The following OLFM3 variants were observed in gnomAD, a reference collection of about 807,000 sequenced individuals.
OLFM3 encodes the protein noelin-3.
OLFM3 carries 20 observed loss-of-function variants against 48.6 expected under a neutral mutation model. The ratio of observed to expected loss-of-function variants is 0.41; its 90% CI spans 0.29 to 0.60. The LOEUF (loss-of-function observed/expected upper bound fraction) is 0.60. Among genes scored for constraint, OLFM3 ranks in the 20% least tolerant of loss-of-function variants. The pLI, the probability that OLFM3 is intolerant of heterozygous loss-of-function variation, is 0.28. For synonymous variants in OLFM3, 222 were observed against 198.1 expected (o/e 1.12, Z -1.01); for missense variants, 437 against 544.3 (o/e 0.80, Z 1.96).
intron 1 of OLFM3, among the ~76,000 whole-genome samples, chr1:101,867,125 T>C (rs2100971131): frequency 6.6e-6 from 1 of 152,318 alleles, no homozygotes; most frequent in East Asian, 1.9e-4. Flanking sequence ...GTGGTCAATT[T>C]GCATTGCTAT....
intron 1 of OLFM3, among the ~76,000 whole-genome samples, chr1:101,950,433 TG>T (rs1660104437): frequency 7.1e-6 from 1 of 141,000 alleles, no homozygotes; most frequent in Admixed American, 7.5e-5. Flanking sequence ...TAGATTTATC[TG>T]CTTTCTTTCT....
intron 1 of OLFM3, among the ~76,000 whole-genome samples, chr1:101,869,812 T>A (rs1377670713): frequency 2.0e-5 from 3 of 152,164 alleles, no homozygotes; most frequent in Non-Finnish European, 2.9e-5. Context: ...TGTAACCATC[T>A]GGTGTTTTCT....
chr1:101,886,407 C>A (rs1014034017), intron 1 of OLFM3, among the ~76,000 whole-genome samples: 1 of 151,840 alleles, frequency 6.6e-6, no homozygotes, highest in Non-Finnish European at 1.5e-5. Context: ...GGGAGGAGGC[C>A]GGCTGGTAGG....
At chr1:101,861,769 G>A (rs987163225) in intron 1 of OLFM3, among the ~76,000 whole-genome samples, 5 of 152,178 alleles carry the variant, frequency 3.3e-5, no homozygotes, top group African/African-American at 1.2e-4. Flanking sequence ...GTGTGATCCT[G>A]TGTAAATTAA....
chr1:101,966,680 G>C (rs552112142), intron 1 of OLFM3, among the ~76,000 whole-genome samples: 3 of 152,262 alleles, frequency 2.0e-5, no homozygotes, highest in Admixed American at 6.5e-5. Flanking sequence ...AGCTAGGGAA[G>C]AGAAAGTAAG....
At chr1:101,831,101 G>A (rs755320173) in intron 2 of OLFM3, among the ~76,000 whole-genome samples, 1 of 152,138 alleles carries the variant, frequency 6.6e-6, no homozygotes, top group Non-Finnish European at 1.5e-5. Flanking sequence ...AGAAAAATAA[G>A]CTTTAAAAAT....
At chr1:101,834,678 G>A (rs1468448870) in intron 2 of OLFM3, among the ~76,000 whole-genome samples, 1 of 152,174 alleles carries the variant, frequency 6.6e-6, no homozygotes. Context: ...CATATGGTAA[G>A]TTTAATACAT....
At chr1:101,953,313 T>C (rs1660199563) in intron 1 of OLFM3, among the ~76,000 whole-genome samples, 2 of 152,280 alleles carry the variant, frequency 1.3e-5, no homozygotes, top group South Asian at 4.1e-4. Flanking sequence ...CACCTGTTTT[T>C]GTAAATAAAA....
At position 101,825,367 on chromosome 1, in the gene OLFM3, G is replaced by T. The variant is rs183353654; in HGVS notation, c.373-122C>A. The T allele has an allele frequency of 6.2e-6, 5 of 812,196 alleles. No homozygotes were observed. In the African/African-American group the frequency reaches 6.9e-5, roughly 11 times the overall value. The allele number at this position is 812,196 out of a possible 1,614,324, so 50.3% of individuals were successfully genotyped here. The stretch of plus-strand genomic sequence containing the variant: ...GCTTCAACATTTCTTATTGATTTTT[G>T]GTTGAAATTAGGTATTTTGTGAAAA... On this transcript the variant is annotated intron_variant, in intron 3 of 5. Coordinates refer to ENST00000370103, the MANE Select transcript of OLFM3 (RefSeq NM_058170.4).
At chr1:101,995,327 G>T (rs1661528020) in intron 1 of OLFM3, among the ~76,000 whole-genome samples, 1 of 151,976 alleles carries the variant, frequency 6.6e-6, no homozygotes, top group Non-Finnish European at 1.5e-5. Context: ...TGTCACTACA[G>T]GGTGCAGAGT....
At chr1:101,946,081 A>C (rs1659955314) in intron 1 of OLFM3, among the ~76,000 whole-genome samples, 1 of 152,198 alleles carries the variant, frequency 6.6e-6, no homozygotes. Flanking sequence ...TAGCACTAGC[A>C]TCAAACCTCC....
At chr1:101,831,088 A>G (rs978141958) in intron 2 of OLFM3, among the ~76,000 whole-genome samples, 6 of 152,240 alleles carry the variant, frequency 3.9e-5, no homozygotes, top group Admixed American at 3.3e-4. Context: ...GGCTTAATAC[A>G]TTAGAAAAAT....
chr1:101,982,197 A>G (rs890550926), intron 1 of OLFM3, among the ~76,000 whole-genome samples: 1 of 152,180 alleles, frequency 6.6e-6, no homozygotes, highest in African/African-American at 2.4e-5. Flanking sequence ...ATGTGTGGCG[A>G]TGGTGATGCA....
In OLFM3 at chr1:101,804,291, C is replaced by G. The variant is rs1653651564; in HGVS notation, c.1324G>C (p.Val442Leu). Residue 442 changes from valine to leucine, a missense_variant, in exon 6 of 6, where the codon GTG becomes CTG. By Grantham distance (32) the Val-to-Leu change is conservative. Coordinates refer to ENST00000370103, the MANE Select transcript of OLFM3 (RefSeq NM_058170.4). This position sits in a 1 kb window ranked among gnomAD's most constrained non-coding sequence, Gnocchi z 4.5. Reference protein sequence around the residue: ...ALYAWNNGHQVLFNVTLFHII... With the variant: ...ALYAWNNGHQLLFNVTLFHII... ...TGGAAAAGGGTGACATTGAACAGCACCTGGTGGCCATTGTTCCAGGCATAG... is the reference window on the plus strand; with the variant it reads ...TGGAAAAGGGTGACATTGAACAGCAGCTGGTGGCCATTGTTCCAGGCATAG... 1.2e-6 allele frequency: 2 copies of G among 1,610,604 alleles called. No homozygotes were observed. The highest frequency in any genetic ancestry group is 1.7e-6 in the Non-Finnish European group (2 of 1,178,032).
At chr1:101,811,018 G>C (rs1456594469) in intron 4 of OLFM3, among the ~76,000 whole-genome samples, 1 of 151,648 alleles carries the variant, frequency 6.6e-6, no homozygotes, top group Non-Finnish European at 1.5e-5. Flanking sequence ...AGGAGAAAAT[G>C]TTAGTCTAAA....
intron 1 of OLFM3, among the ~76,000 whole-genome samples, chr1:101,843,367 C>G (rs72987938): frequency 0.022 from 3,272 of 152,184 alleles, 50 homozygotes; most frequent in African/African-American, 0.033. Flanking sequence ...AAGCCCACAG[C>G]GTGAGGGATT....
At chr1:101,908,057 T>C (rs1658611614) in intron 1 of OLFM3, among the ~76,000 whole-genome samples, 1 of 152,232 alleles carries the variant, frequency 6.6e-6, no homozygotes, top group East Asian at 1.9e-4. Context: ...ACAATTCAAA[T>C]TGTAACAAAT....
Position 101,925,254 on chromosome 1 carries a change from C to CT in OLFM3, c.69+71493dup, listed in dbSNP as rs149989815. 2.5e-3 allele frequency among the ~76,000 whole-genome samples: 370 copies of CT among 146,016 alleles called. 1 individual carries two copies. The highest frequency in any genetic ancestry group is 8.1e-3 in the African/African-American group (323 of 39,768). On this transcript the variant is annotated intron_variant, in intron 1 of 5. Coordinates refer to ENST00000370103, the MANE Select transcript of OLFM3 (RefSeq NM_058170.4). ...GACTGGGAAGGGCCTAAATATTTGT[C>CT]TTTTTTTTTTCTATAATATTTGTAT...
intron 4 of OLFM3, chr1:101,813,184 C>A (rs745660156): frequency 3.7e-5 from 35 of 950,416 alleles, no homozygotes; most frequent in Admixed American, 5.0e-5. Context: ...TATATTGGAC[C>A]AAATCTGTAT....
Sources: allele counts gnomAD v4.1 joint callset (sites outside exome capture counted in the v4.1 genomes callset), GRCh38; gene constraint gnomAD v4.1.1; non-coding constraint Gnocchi (gnomAD v3.1); transcripts MANE v1.5; gene names NCBI Gene and HGNC (gene_info 2026-07-23, HGNC 2026-07-21).